The following CNTLN variants were observed in gnomAD, a reference collection of about 807,000 sequenced individuals.
CNTLN encodes the protein centlein, also known as centlein, centrosomal protein.
Under a neutral mutation model 180.0 loss-of-function variants are expected in CNTLN, and 212 were observed. The observed-to-expected ratio is 1.18, with a 90% CI of 1.05 to 1.32. CNTLN has a LOEUF of 1.32. Among genes scored for constraint, CNTLN ranks in the 40% most tolerant of loss-of-function variants. The pLI is 0.00. For synonymous variants in CNTLN, 722 were observed against 563.1 expected, an observed-to-expected ratio of 1.28 and a Z score of -3.99; for missense variants, 2,095 against 1,610.9, an observed-to-expected ratio of 1.30 and a Z score of -5.14.
chr9:17,203,666 C>G (rs1291032196), intron 2 of CNTLN, among the ~76,000 whole-genome samples: 1 of 152,180 alleles, frequency 6.6e-6, no homozygotes, highest in Non-Finnish European at 1.5e-5. Flanking sequence ...ACGCCATTCT[C>G]CTGCCTCAGC....
intron 7 of CNTLN, 67 bp downstream of exon 7, chr9:17,298,419 C>T (rs1260200063): frequency 1.1e-5 from 14 of 1,329,784 alleles, no homozygotes; most frequent in Non-Finnish European, 1.3e-5. Context: ...ATATAGAATT[C>T]AGATTTTTTC....
intron 15 of CNTLN, among the ~76,000 whole-genome samples, chr9:17,402,539 GT>G (rs1322622540): frequency 6.6e-6 from 1 of 151,850 alleles, no homozygotes; most frequent in African/African-American, 2.4e-5. Context: ...CTTGTTATGT[GT>G]TTTTGGATGA....
intron 2 of CNTLN, among the ~76,000 whole-genome samples, chr9:17,189,229 C>T (rs1387147656): frequency 6.7e-6 from 1 of 150,234 alleles, no homozygotes; most frequent in African/African-American, 2.4e-5. Context: ...ACTACAGCTG[C>T]CCGCCACTAC....
chr9:17,218,874 A>G (rs1823941224), intron 2 of CNTLN, among the ~76,000 whole-genome samples: 1 of 152,162 alleles, frequency 6.6e-6, no homozygotes. Flanking sequence ...AAACCCAGAA[A>G]ATATGATCCT....
chr9:17,359,877 G>A (rs898073970), intron 12 of CNTLN, among the ~76,000 whole-genome samples: 3 of 151,410 alleles, frequency 2.0e-5, no homozygotes, highest in Admixed American at 6.6e-5. Context: ...TCCAGCCTGG[G>A]CAACAGAGTG....
At chr9:17,245,420 G>T (rs1825740611) in intron 5 of CNTLN, among the ~76,000 whole-genome samples, 1 of 149,234 alleles carries the variant, frequency 6.7e-6, no homozygotes, top group Admixed American at 6.7e-5. Context: ...TGTGTTAGAG[G>T]TCCATTGTAT....
intron 18 of CNTLN, among the ~76,000 whole-genome samples, chr9:17,440,426 A>C (rs1350121155): frequency 6.6e-6 from 1 of 150,694 alleles, no homozygotes; most frequent in Admixed American, 6.6e-5. Context: ...AAATACAAAA[A>C]AAAAAAAAAA....
intron 1 of CNTLN, among the ~76,000 whole-genome samples, chr9:17,138,358 G>C (rs1280877905): frequency 2.0e-5 from 3 of 151,850 alleles, no homozygotes; most frequent in African/African-American, 4.8e-5. Flanking sequence ...GCCAGTTTTA[G>C]GAAAAAAATT....
At chr9:17,460,220 A>G (rs888119930) in intron 19 of CNTLN, among the ~76,000 whole-genome samples, 1 of 151,750 alleles carries the variant, frequency 6.6e-6, no homozygotes, top group African/African-American at 2.4e-5. Flanking sequence ...TACTGTACAT[A>G]GAGCCGAGAT....
chr9:17,240,148 G>C (rs1825397555), intron 5 of CNTLN, among the ~76,000 whole-genome samples: 1 of 152,046 alleles, frequency 6.6e-6, no homozygotes, highest in African/African-American at 2.4e-5. Context: ...TTGTTTTGTA[G>C]CTTTCAGGGT....
At chr9:17,232,441 C>T (rs1318023023) in intron 3 of CNTLN, among the ~76,000 whole-genome samples, 1 of 151,794 alleles carries the variant, frequency 6.6e-6, no homozygotes, top group Non-Finnish European at 1.5e-5. Flanking sequence ...AAATAATTCT[C>T]ATGAAAGGAC....
At chr9:17,394,133 A>G (rs1172705211) in intron 14 of CNTLN, among the ~76,000 whole-genome samples, 2 of 152,074 alleles carry the variant, frequency 1.3e-5, no homozygotes, top group African/African-American at 4.8e-5. Flanking sequence ...TTTTCATATG[A>G]TTGTCGAATA....
chr9:17,307,100 A>C (rs1459482804), intron 7 of CNTLN, among the ~76,000 whole-genome samples: 1 of 152,186 alleles, frequency 6.6e-6, no homozygotes, highest in Non-Finnish European at 1.5e-5. Context: ...TGTGGAAATG[A>C]CATTGGACAT....
Position 17,236,481 on chromosome 9 carries a change from A to G in CNTLN, c.742A>G (p.Lys248Glu). The G allele has an allele frequency of 6.2e-7, 1 of 1,613,796 alleles. No individual in the cohort carries two copies. The highest frequency in any genetic ancestry group is 8.5e-7 in the Non-Finnish European group (1 of 1,179,758). The change falls in exon 5 of 26, where the codon AAG (lysine) becomes GAG (glutamate). Residue 248 changes from lysine to glutamate, a missense_variant. By Grantham distance (56) the Lys-to-Glu change is moderately conservative. Coordinates refer to ENST00000380647, the MANE Select transcript of CNTLN (RefSeq NM_017738.4). ...LVIKNLEEEN[K>E]KLSTRCTDLL... ...TATAAAAAATCTGGAGGAGGAAAAC[A>G]AGAAATTAAGTACCCGCTGCACTGA...
At position 17,148,756 on chromosome 9, in the gene CNTLN, CAA is replaced by C. The variant is rs1818630471; in HGVS notation, c.449+5382_449+5383del. On this transcript the variant is annotated intron_variant, in intron 2 of 25. Transcript: ENST00000380647. ...TTGGAAACATGTGGGTTGTGTGACT[CAA>C]ATTTTTTGCCACTTTGTGTGTACCT... Among the ~76,000 whole-genome samples, 3 of 152,196 alleles carry C rather than the reference CAA, an allele frequency of 2.0e-5. No individual in the cohort carries two copies. The South Asian group carries it at 6.2e-4, about 31-fold the overall frequency.
At chr9:17,522,500 G>A in the CNTLN span, among the ~76,000 whole-genome samples, 11 of 152,162 alleles carry the variant, frequency 7.2e-5, no homozygotes, top group East Asian at 2.1e-3. Context: ...CATACCTCAG[G>A]CAGCCTTTTC....
chr9:17,493,521 G>A (rs1411580412), intron 25 of CNTLN, among the ~76,000 whole-genome samples: 1 of 152,106 alleles, frequency 6.6e-6, no homozygotes, highest in South Asian at 2.1e-4. Flanking sequence ...ATTACCCAGA[G>A]AAGCATTAAA....
chr9:17,309,320 A>G (rs545505364), intron 8 of CNTLN, 68 bp downstream of exon 8: 3 of 1,241,044 alleles, frequency 2.4e-6, no homozygotes, highest in African/African-American at 3.0e-5. Flanking sequence ...ACAATTGACT[A>G]AAACATAAAA....
chr9:17,359,713 A>C (rs200692887), intron 12 of CNTLN, among the ~76,000 whole-genome samples: 1 of 101,360 alleles, frequency 9.9e-6, no homozygotes, highest in Admixed American at 1.1e-4. Context: ...AACTCCGTCT[A>C]TACTAAAAAT....
Sources: gnomAD v4.1 joint callset for allele counts (sites outside exome capture counted in the v4.1 genomes callset) on GRCh38, gnomAD v4.1.1 for gene constraint, MANE v1.5 for transcripts, NCBI Gene and HGNC (gene_info 2026-07-23, HGNC 2026-07-21) for gene names.